Variants in CARM1 observed in about 807,000 individuals in gnomAD.
CARM1 encodes coactivator associated arginine methyltransferase 1.
CARM1 carries 14 observed loss-of-function variants against 72.7 expected under a neutral mutation model. The observed-to-expected ratio is 0.19, with a 90% CI of 0.13 to 0.30. The LOEUF is 0.30. Ranked by LOEUF, CARM1 falls within the 10% of genes least tolerant of loss-of-function variation. The pLI is 1.00. For synonymous variants in CARM1, 333 were observed against 345.5 expected, an observed-to-expected ratio of 0.96 and a Z score of 0.40; for missense variants, 432 against 833.7, an observed-to-expected ratio of 0.52 and a Z score of 5.93.
At position 10,896,398 on chromosome 19, in the gene CARM1, G is replaced by A; in HGVS notation, c.221-8553G>A. 6.6e-6 allele frequency among the ~76,000 whole-genome samples: 1 copy of A among 152,052 alleles called. No individual in the cohort carries two copies. The highest frequency in any genetic ancestry group is 1.9e-4 in the East Asian group (1 of 5,180). ...GCAGCATGCTGACTCTAAGGCAGGT[G>A]GGGAACAGCAGCCAGTCCACCAAGA... On this transcript the variant is annotated intron_variant, in intron 1 of 15. Transcript: ENST00000327064. The surrounding 1 kb of genome is among the most constrained non-coding windows in gnomAD (Gnocchi z 5.2).
At position 10,920,762 on chromosome 19, in the gene CARM1, C is replaced by G; in HGVS notation, c.1424+14C>G. ...CCCCTTCTTTAGGTAGGAGGGGCCC[C>G]TTGCCTGCACAGGGGGGCGCCCCGG... On this transcript the variant is annotated intron_variant, in intron 12 of 15. Transcript: ENST00000327064. This position sits in a 1 kb window ranked among gnomAD's most constrained non-coding sequence, Gnocchi z 5.3. 1 of 1,613,970 alleles carries G rather than the reference C, an allele frequency of 6.2e-7. No homozygotes were observed. Among genetic ancestry groups the G allele is most frequent in the Non-Finnish European group, 8.5e-7 (1 of 1,179,844 alleles).
chr19:10,913,411 GCCTGTAGTC>G (rs1159372550), intron 5 of CARM1, among the ~76,000 whole-genome samples: 5 of 151,964 alleles, frequency 3.3e-5, no homozygotes, highest in African/African-American at 9.6e-5. Context: ...GGTGGTGGGT[GCCTGTAGTC>G]CCAGCTACTC....
intron 2 of CARM1, among the ~76,000 whole-genome samples, chr19:10,906,853 A>T (rs907405192): frequency 1.4e-5 from 2 of 145,530 alleles, no homozygotes; most frequent in African/African-American, 5.0e-5. Flanking sequence ...CTATGTTAAT[A>T]AATATAGCTT....
chr19:10,904,615 C>T (rs897121901), intron 1 of CARM1, among the ~76,000 whole-genome samples: 2 of 152,332 alleles, frequency 1.3e-5, no homozygotes, highest in East Asian at 1.9e-4. Flanking sequence ...AGGGCTCAGC[C>T]GAGCAGGGCA....
Position 10,916,503 on chromosome 19 carries a change from T to C in CARM1, c.938+6T>C. 1 of 1,608,094 alleles carries C rather than the reference T, an allele frequency of 6.2e-7. No homozygotes were observed. On this transcript the variant is annotated splice_donor_region_variant and intron_variant, in intron 7 of 15. Coordinates refer to ENST00000327064, the MANE Select transcript of CARM1 (RefSeq NM_199141.2). The surrounding 1 kb of genome is among the most constrained non-coding windows in gnomAD (Gnocchi z 4.4). ...TTCACCAAGGCCAACTTCTGGTGAGTGTGCCCTGGGTGTCCCGCCTGGGCC... is the reference window on the plus strand; with the variant it reads ...TTCACCAAGGCCAACTTCTGGTGAGCGTGCCCTGGGTGTCCCGCCTGGGCC...
intron 1 of CARM1, among the ~76,000 whole-genome samples, chr19:10,884,130 G>T (rs1054314890): frequency 6.6e-6 from 1 of 150,856 alleles, no homozygotes; most frequent in African/African-American, 2.4e-5. Flanking sequence ...ATCACTTGAG[G>T]TCAGGAGTTC....
chr19:10,921,269 C>T (rs906489272), intron 14 of CARM1, 106 bp from the exon 15 acceptor site: 2 of 1,474,160 alleles, frequency 1.4e-6, no homozygotes, highest in Admixed American at 3.6e-5. Flanking sequence ...GGCCGAGGCT[C>T]TCCGTCCTCT....
chr19:10,896,749 G>T lies in CARM1; in HGVS notation c.221-8202G>T, dbSNP rs1485489815. ...CAGTCTCCTTCCCAGGCTGGGTCAG[G>T]TGCCACCTCCAGGCACCTACAGAGT... On this transcript the variant is annotated intron_variant, in intron 1 of 15. Coordinates refer to ENST00000327064, the MANE Select transcript of CARM1 (RefSeq NM_199141.2). This position sits in a 1 kb window ranked among gnomAD's most constrained non-coding sequence, Gnocchi z 5.2. Among the ~76,000 whole-genome samples, 3 of 152,146 alleles carry T rather than the reference G, an allele frequency of 2.0e-5. No homozygotes were observed. Among genetic ancestry groups the T allele is most frequent in the African/African-American group, 7.2e-5 (3 of 41,418 alleles).
intron 1 of CARM1, among the ~76,000 whole-genome samples, chr19:10,873,571 AGAGT>A: frequency 6.8e-6 from 1 of 148,098 alleles, no homozygotes; most frequent in East Asian, 2.0e-4. Flanking sequence ...CCGGGGAGAC[AGAGT>A]GAGACTCCAT....
In CARM1 at chr19:10,892,947, C is replaced by T. The variant is rs371287554; in HGVS notation, c.221-12004C>T. 8.1e-4 allele frequency among the ~76,000 whole-genome samples: 124 copies of T among 152,290 alleles called. 2 individuals are homozygous for T. The South Asian group carries it at 0.025, about 30-fold the overall frequency. ...ATGGGGTTTCACCATGTTGGCCAGG[C>T]TGGTCTCAAACTCCTGACCTCAGGT... is the stretch of plus-strand genomic sequence containing the variant. On this transcript the variant is annotated intron_variant, in intron 1 of 15. Coordinates refer to ENST00000327064, the MANE Select transcript of CARM1 (RefSeq NM_199141.2).
intron 1 of CARM1, among the ~76,000 whole-genome samples, chr19:10,894,712 T>G (rs1392306043): frequency 7.0e-6 from 1 of 143,552 alleles, no homozygotes; most frequent in Non-Finnish European, 1.6e-5. Flanking sequence ...CTCCACCTCC[T>G]TGTGTTTTTT....
intron 1 of CARM1, among the ~76,000 whole-genome samples, chr19:10,892,931 C>T (rs911028734): frequency 8.5e-5 from 13 of 152,174 alleles, no homozygotes; most frequent in African/African-American, 2.9e-4. Flanking sequence ...GATGGGGTTT[C>T]ACCATGTTGG....
chr19:10,898,423 C>A (rs572759391), intron 1 of CARM1, among the ~76,000 whole-genome samples: 52 of 152,328 alleles, frequency 3.4e-4, no homozygotes, highest in African/African-American at 1.2e-3. Context: ...GCAGCCTGTC[C>A]CCCACCTCTC....
At chr19:10,884,730 A>G (rs1353079725) in intron 1 of CARM1, among the ~76,000 whole-genome samples, 1 of 151,642 alleles carries the variant, frequency 6.6e-6, no homozygotes, top group Admixed American at 6.6e-5. Context: ...TTTGAGACTG[A>G]GTCTTGCTCT....
intron 1 of CARM1, among the ~76,000 whole-genome samples, chr19:10,875,334 T>TC (rs2146295567): frequency 6.6e-6 from 1 of 150,584 alleles, no homozygotes; most frequent in Admixed American, 6.6e-5. Flanking sequence ...CTTTTTTCCT[T>TC]TTTTTTTTAA....
chr19:10,911,444 GT>G (rs1316164428), intron 4 of CARM1, among the ~76,000 whole-genome samples: 4 of 152,202 alleles, frequency 2.6e-5, no homozygotes, highest in African/African-American at 9.7e-5. Context: ...TCCTCCGTTG[GT>G]GAAGTCCCTT....
chr19:10,905,120 C>T (rs1168412861), intron 2 of CARM1, 44 bp downstream of exon 2: 1 of 1,603,532 alleles, frequency 6.2e-7, no homozygotes, highest in Non-Finnish European at 8.5e-7. Flanking sequence ...GCCCAAAGCG[C>T]CCAGAGCCCT....
At chr19:10,879,106 T>C (rs1006152034) in intron 1 of CARM1, among the ~76,000 whole-genome samples, 1 of 152,138 alleles carries the variant, frequency 6.6e-6, no homozygotes, top group African/African-American at 2.4e-5. Flanking sequence ...AGGCTGATCC[T>C]CCACCATTCT....
chr19:10,921,164 A>ATGCCCAGGAC (rs1168917937), intron 14 of CARM1, 37 bp downstream of exon 14: 4 of 1,595,290 alleles, frequency 2.5e-6, no homozygotes, highest in East Asian at 2.2e-5. Flanking sequence ...GCAGGGAGCC[A>ATGCCCAGGAC]TGCCCAGGAC....
Sources: allele counts gnomAD v4.1 joint callset (sites outside exome capture counted in the v4.1 genomes callset), GRCh38; gene constraint gnomAD v4.1.1; non-coding constraint Gnocchi (gnomAD v3.1); transcripts MANE v1.5; gene names NCBI Gene and HGNC (gene_info 2026-07-23, HGNC 2026-07-21).